CACHD1: variants seen among roughly 807,000 people sequenced by gnomAD.
CACHD1 encodes VWFA and cache domain-containing protein 1.
A neutral mutation model predicts 138.7 loss-of-function variants in CACHD1; 71 were observed. The ratio of observed to expected loss-of-function variants is 0.51; its 90% CI spans 0.42 to 0.62. The LOEUF is 0.62. Among genes scored for constraint, CACHD1 ranks in the 20% least tolerant of loss-of-function variants. The pLI, the probability that CACHD1 is intolerant of heterozygous loss-of-function variation, is 0.00. For synonymous variants in CACHD1, 578 were observed against 591.5 expected (o/e 0.98, Z 0.33); for missense variants, 1,389 against 1,625.3 (o/e 0.85, Z 2.50).
chr1:64,649,291 G>A (rs1649013649), intron 9 of CACHD1, among the ~76,000 whole-genome samples: 1 of 152,040 alleles, frequency 6.6e-6, no homozygotes, highest in African/African-American at 2.4e-5. Flanking sequence ...CGACCTCCTG[G>A]CCTCAAGCAG....
chr1:64,477,624 A>ATTATTATTG (rs1185911415), intron 1 of CACHD1, among the ~76,000 whole-genome samples: 2 of 104,228 alleles, frequency 1.9e-5, no homozygotes, highest in Non-Finnish European at 3.7e-5. Flanking sequence ...TATTATTATT[A>ATTATTATTG]TTTTATTTTA....
intron 17 of CACHD1, among the ~76,000 whole-genome samples, chr1:64,672,394 A>G (rs938396109): frequency 9.9e-5 from 15 of 152,228 alleles, no homozygotes; most frequent in Non-Finnish European, 2.1e-4. Flanking sequence ...TCCCCCTCTT[A>G]TCTTTGGTCT....
At chr1:64,510,734 C>T (rs1646414390) in intron 1 of CACHD1, among the ~76,000 whole-genome samples, 1 of 152,070 alleles carries the variant, frequency 6.6e-6, no homozygotes, top group African/African-American at 2.4e-5. Context: ...CCAGAAATTG[C>T]CAGAGAGATT....
At chr1:64,478,605 C>T (rs1335352242) in intron 1 of CACHD1, among the ~76,000 whole-genome samples, 2 of 152,164 alleles carry the variant, frequency 1.3e-5, no homozygotes, top group Non-Finnish European at 2.9e-5. Flanking sequence ...AGTGCCTCCC[C>T]CTAAGACCCC....
intron 7 of CACHD1, among the ~76,000 whole-genome samples, chr1:64,636,202 C>A (rs1166009504): frequency 6.6e-6 from 1 of 152,108 alleles, no homozygotes; most frequent in East Asian, 1.9e-4. Flanking sequence ...CATTTCCAAG[C>A]CCTTCATTGT....
At chr1:64,521,201 A>G (rs1646495668) in intron 1 of CACHD1, among the ~76,000 whole-genome samples, 1 of 152,154 alleles carries the variant, frequency 6.6e-6, no homozygotes, top group African/African-American at 2.4e-5. Context: ...CAGAGGTCTC[A>G]GTTTCCCTCC....
At chr1:64,583,881 C>T (rs1009082138) in intron 3 of CACHD1, among the ~76,000 whole-genome samples, 1 of 152,134 alleles carries the variant, frequency 6.6e-6, no homozygotes, top group African/African-American at 2.4e-5. Context: ...TCAATCATCT[C>T]CCACTGGGTC....
chr1:64,487,027 G>A (rs1240870902), intron 1 of CACHD1, among the ~76,000 whole-genome samples: 1 of 152,124 alleles, frequency 6.6e-6, no homozygotes, highest in Non-Finnish European at 1.5e-5. Context: ...CCTGTGGAGG[G>A]AAGGAGATCA....
At chr1:64,678,425 G>A in intron 23 of CACHD1, 115 bp downstream of exon 23, 1 of 1,111,916 alleles carries the variant, frequency 9.0e-7, no homozygotes, top group Non-Finnish European at 1.2e-6. Context: ...TTTGCTGGTA[G>A]TCTTTAGTTA....
intron 4 of CACHD1, among the ~76,000 whole-genome samples, chr1:64,623,317 G>T (rs555331622): frequency 6.6e-6 from 1 of 151,886 alleles, no homozygotes; most frequent in African/African-American, 2.4e-5. Flanking sequence ...TGGGAGAATC[G>T]CTTGAACCTG....
At chr1:64,572,706 C>G (rs1474103520) in intron 2 of CACHD1, among the ~76,000 whole-genome samples, 2 of 152,168 alleles carry the variant, frequency 1.3e-5, no homozygotes, top group Admixed American at 1.3e-4. Context: ...CCATTGTACT[C>G]CTCCCAGCTC....
At position 64,570,476 on chromosome 1, in the gene CACHD1, C is replaced by T. The variant is rs548023595; in HGVS notation, c.262-11680C>T. Among the ~76,000 whole-genome samples, 5 of 152,146 alleles carry T rather than the reference C, an allele frequency of 3.3e-5. No individual in the cohort carries two copies. In the South Asian group the frequency reaches 8.3e-4, roughly 25 times the overall value. On this transcript the variant is annotated intron_variant, in intron 2 of 26. Transcript: ENST00000651257. ...TGAGGAAGTGTCACTGTCACATCCG[C>T]TGACATGCATGTCAGGCCTACCATG...
At chr1:64,610,268 G>A (rs1192471675) in intron 4 of CACHD1, among the ~76,000 whole-genome samples, 1 of 152,106 alleles carries the variant, frequency 6.6e-6, no homozygotes, top group Non-Finnish European at 1.5e-5. Flanking sequence ...CTAATGTCCT[G>A]ACAATTCAAA....
chr1:64,588,037 G>A (rs570049962), intron 3 of CACHD1, among the ~76,000 whole-genome samples: 1 of 152,274 alleles, frequency 6.6e-6, no homozygotes, highest in African/African-American at 2.4e-5. Flanking sequence ...CTGCTTTCAT[G>A]AAGAGCAGCT....
intron 4 of CACHD1, among the ~76,000 whole-genome samples, chr1:64,625,854 G>A (rs1648083471): frequency 6.6e-6 from 1 of 152,190 alleles, no homozygotes; most frequent in South Asian, 2.1e-4. Flanking sequence ...CTTAGTGCAT[G>A]TTAAAAGACT....
At chr1:64,545,132 T>C (rs1433604170) in intron 1 of CACHD1, among the ~76,000 whole-genome samples, 2 of 152,218 alleles carry the variant, frequency 1.3e-5, no homozygotes, top group African/African-American at 4.8e-5. Flanking sequence ...GCATCAATAG[T>C]TTTAAAAATA....
chr1:64,515,732 A>G (rs569480225), intron 1 of CACHD1, among the ~76,000 whole-genome samples: 1 of 152,172 alleles, frequency 6.6e-6, no homozygotes, highest in Non-Finnish European at 1.5e-5. Context: ...AAGGCCTGTT[A>G]TCTGACACTA....
chr1:64,492,012 A>G (rs1160118921), intron 1 of CACHD1, among the ~76,000 whole-genome samples: 3 of 151,800 alleles, frequency 2.0e-5, no homozygotes, highest in African/African-American at 7.3e-5. Context: ...CATATACTGT[A>G]CTTGATTTCC....
intron 17 of CACHD1, 52 bp downstream of exon 17, chr1:64,671,738 T>C: frequency 6.2e-7 from 1 of 1,609,946 alleles, no homozygotes; most frequent in Non-Finnish European, 8.5e-7. Flanking sequence ...TAAAAATAGA[T>C]GTCAGGTATC....
Sources: gnomAD v4.1 joint callset for allele counts (sites outside exome capture counted in the v4.1 genomes callset) on GRCh38, gnomAD v4.1.1 for gene constraint, MANE v1.5 for transcripts, NCBI Gene and HGNC (gene_info 2026-07-23, HGNC 2026-07-21) for gene names.